Variants in IP6K2 observed in about 807,000 individuals in gnomAD.
IP6K2 encodes ATP:1D-myo-inositol-hexakisphosphate phosphotransferase.
In IP6K2, 9 loss-of-function variants were observed where a neutral mutation model predicts 43.3. That is an observed-to-expected ratio of 0.21 (90% CI 0.13 to 0.36). IP6K2 has a LOEUF of 0.36. IP6K2 is among the 10% of genes least tolerant of loss of function. The pLI, the probability that IP6K2 is intolerant of heterozygous loss-of-function variation, is 1.00. For missense variants in IP6K2, 332 were observed against 538.4 expected, an observed-to-expected ratio of 0.62 and a Z score of 3.79; for synonymous variants, 209 against 202.4, an observed-to-expected ratio of 1.03 and a Z score of -0.28.
At chr3:48,713,684 G>A (rs1211966653) in intron 1 of IP6K2, among the ~76,000 whole-genome samples, 6 of 152,152 alleles carry the variant, frequency 3.9e-5, no homozygotes, top group Non-Finnish European at 8.8e-5. Context: ...TTAGCCGGGC[G>A]TGGTGCCACG....
At chr3:48,701,764 G>A (rs1223477714) in intron 1 of IP6K2, among the ~76,000 whole-genome samples, 1 of 151,926 alleles carries the variant, frequency 6.6e-6, no homozygotes, top group Non-Finnish European at 1.5e-5. Flanking sequence ...TAGGCGTGGT[G>A]GCAGGCGCCT....
chr3:48,694,744 T>C, intron 2 of IP6K2: 1 of 1,512,584 alleles, frequency 6.6e-7, no homozygotes. Flanking sequence ...AGGCGGCAAG[T>C]ATTCTGGGTA....
intron 2 of IP6K2, 162 bp from the exon 3 acceptor site, chr3:48,693,341 A>G: frequency 9.1e-7 from 1 of 1,098,946 alleles, no homozygotes; most frequent in Non-Finnish European, 1.4e-6. Context: ...CAAAACAGCT[A>G]GAAAAGATGA....
At position 48,689,582 on chromosome 3, in the gene IP6K2, G is replaced by A. The variant is rs1157678153; in HGVS notation, c.736C>T (p.Gln246Ter). The A allele has an allele frequency of 6.2e-7, 1 of 1,614,024 alleles. No individual in the cohort carries two copies. ...ACACCAATGACTGCAGATGTGCTCTGCTGACATTTTCGGATCTGGTTGGCT... is the reference window on the plus strand; with the variant it reads ...ACACCAATGACTGCAGATGTGCTCTACTGACATTTTCGGATCTGGTTGGCT... ...KAANQIRKCQ[Q>*]STSAVIGVRV... The change falls in exon 5 of 6, where the codon CAG becomes TAG. Residue 246 changes from glutamine to a stop codon, truncating the protein, a stop_gained. Transcript: ENST00000328631. LOFTEE classifies it high-confidence loss of function.
chr3:48,689,736 C>A (rs745565318), intron 4 of IP6K2, 23 bp from the exon 5 acceptor site: 2 of 1,607,290 alleles, frequency 1.2e-6, no homozygotes, highest in South Asian at 2.2e-5. Flanking sequence ...GAATAATACC[C>A]CCAAAAGGAA....
Position 48,695,459 on chromosome 3 carries a change from T to C in IP6K2, c.-130-38A>G. ...AAAATGATGACATGGGGGTTCGAAG[T>C]AGCGTGGGAAGTGCCTTAGAGCTGC... is the stretch of plus-strand genomic sequence containing the variant. On this transcript the variant is annotated intron_variant, in intron 1 of 5. Transcript: ENST00000328631. The surrounding 1 kb of genome is among the most constrained non-coding windows in gnomAD (Gnocchi z 4.6). 1 of 1,399,298 alleles carries C rather than the reference T, an allele frequency of 7.1e-7. No individual in the cohort carries two copies. Among genetic ancestry groups the C allele is most frequent in the Non-Finnish European group, 9.3e-7 (1 of 1,074,532 alleles). The allele number at this position is 1,399,298 out of a possible 1,614,324, so 86.7% of individuals were successfully genotyped here. A position where few individuals can be genotyped will look rare whatever the true frequency, so the allele number is the denominator to read the frequency against.
chr3:48,690,730 A>T (rs1482703304), intron 4 of IP6K2, among the ~76,000 whole-genome samples: 1 of 150,116 alleles, frequency 6.7e-6, no homozygotes, highest in African/African-American at 2.5e-5. Flanking sequence ...CGGAGGTTGC[A>T]GTGAGCTGAG....
chr3:48,706,835 A>C lies in IP6K2; in HGVS notation c.-131+10322T>G, dbSNP rs545955943. ...GTCCCCAAAAAAATAAAAAAGAAAG[A>C]AAGCGGTGGTCAAAATGCTGCCCCA... On this transcript the variant is annotated intron_variant, in intron 1 of 5. Coordinates refer to ENST00000328631, the MANE Select transcript of IP6K2 (RefSeq NM_016291.4). 2.3e-4 allele frequency among the ~76,000 whole-genome samples: 35 copies of C among 152,262 alleles called. No homozygotes were observed. The Middle Eastern group carries it at 0.017, about 74-fold the overall frequency.
chr3:48,700,704 G>A (rs2078918934), intron 1 of IP6K2, among the ~76,000 whole-genome samples: 1 of 152,100 alleles, frequency 6.6e-6, no homozygotes, highest in South Asian at 2.1e-4. Flanking sequence ...ACTCATGAAA[G>A]CCCCTGGGTC....
rs1373515131 is a variant in IP6K2, at chr3:48,688,610, T to C, written c.944A>G (p.Lys315Arg). Reference protein sequence around the residue: ...GPVLKKLTELKAVLERQESYR... With the variant: ...GPVLKKLTELRAVLERQESYR... Reference sequence around the variant, plus strand: ...GGACTCCTGTCGCTCCAACACTGCCTTGAGCTCAGTCAGCTTCTTGAGCAC... The same window carrying C: ...GGACTCCTGTCGCTCCAACACTGCCCTGAGCTCAGTCAGCTTCTTGAGCAC... The change falls in exon 6 of 6, where the codon AAG (lysine) becomes AGG (arginine). Residue 315 changes from lysine to arginine, a missense_variant. Physicochemically the swap from Lys to Arg is conservative, Grantham distance 26. Coordinates refer to ENST00000328631, the MANE Select transcript of IP6K2 (RefSeq NM_016291.4). This position sits in a 1 kb window ranked among gnomAD's most constrained non-coding sequence, Gnocchi z 5.1. The C allele has an allele frequency of 6.2e-7, 1 of 1,614,098 alleles. No individual in the cohort carries two copies. Among genetic ancestry groups the C allele is most frequent in the African/African-American group, 1.3e-5 (1 of 74,934 alleles).
At chr3:48,697,289 G>A (rs894651683) in intron 1 of IP6K2, among the ~76,000 whole-genome samples, 4 of 151,258 alleles carry the variant, frequency 2.6e-5, no homozygotes, top group Admixed American at 6.6e-5. Flanking sequence ...CAAAGTGCTG[G>A]ATTACAGGCG....
chr3:48,688,518 C>T lies in IP6K2; in HGVS notation c.1036G>A (p.Asp346Asn), dbSNP rs761596550. 16 of 1,614,206 alleles carry T rather than the reference C, an allele frequency of 9.9e-6. No homozygotes were observed. Among genetic ancestry groups the T allele is most frequent in the South Asian group, 8.8e-5 (8 of 91,080 alleles). Reference sequence around the variant, plus strand: ...TCCTCCAAATCCTCAGCATCTGAGTCCAGGACCACTTCGGGCCGCTCCTTG... The same window carrying T: ...TCCTCCAAATCCTCAGCATCTGAGTTCAGGACCACTTCGGGCCGCTCCTTG... ...DGKERPEVVL[D>N]SDAEDLEDLS... Residue 346 changes from aspartate to asparagine, a missense_variant, in exon 6 of 6, where the codon GAC becomes AAC. Transcript: ENST00000328631. The surrounding 1 kb of genome is among the most constrained non-coding windows in gnomAD (Gnocchi z 5.1).
At chr3:48,694,001 C>G in intron 2 of IP6K2, 33 of 1,379,408 alleles carry the variant, frequency 2.4e-5, no homozygotes, top group South Asian at 1.3e-4. Context: ...AAACGACTGG[C>G]TGAACACCTT....
At chr3:48,713,245 T>G (rs527662129) in intron 1 of IP6K2, among the ~76,000 whole-genome samples, 10 of 152,310 alleles carry the variant, frequency 6.6e-5, no homozygotes, top group African/African-American at 1.9e-4. Flanking sequence ...GGCATCTCAT[T>G]TGAGTGTGCA....
chr3:48,694,629 GGGCTAATCAGCACA>G, intron 2 of IP6K2: 1 of 1,518,688 alleles, frequency 6.6e-7, no homozygotes, highest in Non-Finnish European at 8.8e-7. Context: ...CAAAGGGCTT[GGGCTAATCAGCACA>G]GGCCTCCCAC....
At chr3:48,714,401 G>C (rs1211136986) in intron 1 of IP6K2, among the ~76,000 whole-genome samples, 1 of 151,656 alleles carries the variant, frequency 6.6e-6, no homozygotes, top group Non-Finnish European at 1.5e-5. Flanking sequence ...GTGTGTGTGT[G>C]TGTTTTTTTG....
At chr3:48,693,202 A>T (rs367820010) in intron 2 of IP6K2, 23 bp from the exon 3 acceptor site, 43 of 1,577,292 alleles carry the variant, frequency 2.7e-5, no homozygotes, top group Admixed American at 1.7e-5. Context: ...GAGGAGCAGA[A>T]AGAACTTTTA....
intron 1 of IP6K2, chr3:48,716,519 G>T (rs2081211220): frequency 6.6e-6 from 1 of 152,208 alleles, no homozygotes; most frequent in African/African-American, 2.4e-5. Flanking sequence ...GACAAAAGCG[G>T]TCTGTAATCA....
At chr3:48,702,512 C>A (rs1197259453) in intron 1 of IP6K2, among the ~76,000 whole-genome samples, 2 of 150,806 alleles carry the variant, frequency 1.3e-5, no homozygotes, top group Non-Finnish European at 2.9e-5. Context: ...GGCGTAATCA[C>A]GGCTCACTGC....
Sources: allele counts gnomAD v4.1 joint callset (sites outside exome capture counted in the v4.1 genomes callset), GRCh38; gene constraint gnomAD v4.1.1; non-coding constraint Gnocchi (gnomAD v3.1); transcripts MANE v1.5; gene names NCBI Gene and HGNC (gene_info 2026-07-23, HGNC 2026-07-21).